Variants in SMYD3 observed in about 807,000 individuals in gnomAD.
SMYD3 encodes SET and MYND domain containing 3, also known as histone-lysine N-methyltransferase SMYD3.
A neutral mutation model predicts 57.7 loss-of-function variants in SMYD3; 36 were observed. That is an observed-to-expected ratio of 0.62 (90% CI 0.48 to 0.82). The LOEUF (loss-of-function observed/expected upper bound fraction) is 0.82. SMYD3 is among the 40% of genes least tolerant of loss of function. SMYD3 has a pLI of 0.00. For synonymous variants in SMYD3, 211 were observed against 195.0 expected (o/e 1.08, Z -0.68); for missense variants, 515 against 538.8 (o/e 0.96, Z 0.44).
At chr1:245,953,413 G>T (rs927344201) in intron 5 of SMYD3, 5 of 916,766 alleles carry the variant, frequency 5.5e-6, no homozygotes, top group Non-Finnish European at 6.6e-6. Flanking sequence ...TTAAAAGTAG[G>T]GTTCAGTTTG....
At chr1:246,307,024 G>T (rs537649738) in intron 5 of SMYD3, among the ~76,000 whole-genome samples, 73 of 152,012 alleles carry the variant, frequency 4.8e-4, no homozygotes, top group African/African-American at 1.8e-3. Flanking sequence ...TTCATTCAGA[G>T]CAATATATTC....
chr1:246,012,935 G>C (rs1473911398), intron 5 of SMYD3, among the ~76,000 whole-genome samples: 1 of 152,134 alleles, frequency 6.6e-6, no homozygotes, highest in Non-Finnish European at 1.5e-5. Flanking sequence ...TGACATTTCT[G>C]GTAGGCGCTG....
At chr1:246,146,848 C>A (rs1273043603) in intron 5 of SMYD3, among the ~76,000 whole-genome samples, 1 of 152,120 alleles carries the variant, frequency 6.6e-6, no homozygotes, top group Admixed American at 6.6e-5. Context: ...CTGAAAATTT[C>A]AAGAACTCTC....
At chr1:245,876,323 G>A (rs1349309753) in intron 8 of SMYD3, among the ~76,000 whole-genome samples, 1 of 152,084 alleles carries the variant, frequency 6.6e-6, no homozygotes, top group Admixed American at 6.5e-5. Context: ...GGGTTCCATC[G>A]AGGCAAATGA....
At chr1:246,476,353 C>T (rs1401390275) in intron 1 of SMYD3, among the ~76,000 whole-genome samples, 3 of 152,210 alleles carry the variant, frequency 2.0e-5, no homozygotes, top group Admixed American at 6.5e-5. Context: ...GTCCAATCCA[C>T]GCCTCTATGC....
chr1:245,967,589 G>A (rs931759609), intron 5 of SMYD3, among the ~76,000 whole-genome samples: 3 of 152,186 alleles, frequency 2.0e-5, no homozygotes, highest in South Asian at 2.1e-4. Context: ...GATTACTTCC[G>A]GTGTCTACCT....
chr1:245,906,071 A>G (rs1253221926), intron 8 of SMYD3, among the ~76,000 whole-genome samples: 1 of 152,236 alleles, frequency 6.6e-6, no homozygotes, highest in African/African-American at 2.4e-5. Flanking sequence ...AATCTCCAGG[A>G]CACTGGGCTG....
chr1:246,182,410 C>T (rs1243700125), intron 5 of SMYD3, among the ~76,000 whole-genome samples: 3 of 152,128 alleles, frequency 2.0e-5, no homozygotes, highest in African/African-American at 4.8e-5. Context: ...CCAAAGGGGA[C>T]CTAAGAATTA....
chr1:246,033,316 C>T (rs920696940), intron 5 of SMYD3, among the ~76,000 whole-genome samples: 3 of 152,200 alleles, frequency 2.0e-5, no homozygotes, highest in African/African-American at 7.2e-5. Flanking sequence ...ACTGCATTTT[C>T]TATTTATACA....
At chr1:246,396,865 T>C (rs1190807931) in intron 1 of SMYD3, among the ~76,000 whole-genome samples, 1 of 152,254 alleles carries the variant, frequency 6.6e-6, no homozygotes, top group Non-Finnish European at 1.5e-5. Flanking sequence ...CTTTTCTTTA[T>C]AAATTACCCA....
chr1:246,133,299 A>G (rs941191571), intron 5 of SMYD3, among the ~76,000 whole-genome samples: 9 of 152,128 alleles, frequency 5.9e-5, no homozygotes, highest in Non-Finnish European at 1.0e-4. Context: ...GCAGAACATC[A>G]TAAGATTCCA....
chr1:246,169,302 G>A (rs749677328), intron 5 of SMYD3, among the ~76,000 whole-genome samples: 33 of 114,298 alleles, frequency 2.9e-4, no homozygotes, highest in Middle Eastern at 8.5e-3. Context: ...AAGCCAAGAT[G>A]AAAAACGCCA....
intron 7 of SMYD3, among the ~76,000 whole-genome samples, chr1:245,920,631 C>T (rs1394355446): frequency 3.3e-5 from 5 of 152,194 alleles, no homozygotes; most frequent in African/African-American, 7.2e-5. Flanking sequence ...TGGATTATTA[C>T]ATCACCCCGA....
intron 5 of SMYD3, among the ~76,000 whole-genome samples, chr1:245,989,701 A>T (rs899709216): frequency 6.6e-6 from 1 of 152,250 alleles, no homozygotes; most frequent in Admixed American, 6.5e-5. Flanking sequence ...CTGATTTCCA[A>T]TGACAAGTGG....
At chr1:246,345,053 C>T (rs1335248074) in intron 2 of SMYD3, among the ~76,000 whole-genome samples, 1 of 152,062 alleles carries the variant, frequency 6.6e-6, no homozygotes, top group African/African-American at 2.4e-5. Flanking sequence ...GTTTGTCTTT[C>T]CAAGGAGCTG....
Position 246,358,156 on chromosome 1 carries a change from G to C in SMYD3, c.165-3062C>G, listed in dbSNP as rs540265769. Among the ~76,000 whole-genome samples the C allele has an allele frequency of 2.2e-3, 332 of 152,270 alleles. 2 individuals carry two copies. Among genetic ancestry groups the C allele is most frequent in the Non-Finnish European group, 3.8e-3 (256 of 68,014 alleles). On this transcript the variant is annotated intron_variant, in intron 1 of 11. Coordinates refer to ENST00000490107, the MANE Select transcript of SMYD3 (RefSeq NM_001167740.2). ...TGCAAATGGGCACCAAAAGTAAGCA[G>C]GAGTAGCTATTCTTATAGACAAAAC...
chr1:245,763,989 A>G, intron 11 of SMYD3, 52 bp downstream of exon 11: 1 of 1,372,736 alleles, frequency 7.3e-7, no homozygotes, highest in Admixed American at 1.7e-5. Context: ...GCCCAGCAAC[A>G]GCAGAAAAAA....
At chr1:245,906,160 A>G (rs2054549670) in intron 8 of SMYD3, among the ~76,000 whole-genome samples, 1 of 152,218 alleles carries the variant, frequency 6.6e-6, no homozygotes, top group Non-Finnish European at 1.5e-5. Flanking sequence ...CATCAAGTTA[A>G]AAAGCTTCTG....
chr1:246,100,360 C>A (rs898577399), intron 5 of SMYD3, among the ~76,000 whole-genome samples: 2 of 152,222 alleles, frequency 1.3e-5, no homozygotes, highest in African/African-American at 4.8e-5. Context: ...CTGTGACCTG[C>A]CGCTGCCTGG....
Sources: gnomAD v4.1 joint callset for allele counts (sites outside exome capture counted in the v4.1 genomes callset) on GRCh38, gnomAD v4.1.1 for gene constraint, MANE v1.5 for transcripts, NCBI Gene and HGNC (gene_info 2026-07-23, HGNC 2026-07-21) for gene names.